Variants in AANAT observed in about 807,000 individuals in gnomAD.
AANAT encodes the protein serotonin N-acetyltransferase.
AANAT carries 11 observed loss-of-function variants against 15.6 expected under a neutral mutation model. The ratio of observed to expected loss-of-function variants is 0.71; its 90% CI spans 0.44 to 1.17. The LOEUF is 1.17. AANAT is among the 50% of genes most tolerant of loss of function. AANAT has a pLI of 0.00. For synonymous variants in AANAT, 139 were observed against 131.5 expected (o/e 1.06, Z -0.39); for missense variants, 286 against 296.3 (o/e 0.97, Z 0.26).
chr17:76,458,965 C>T lies in AANAT; in HGVS notation c.-575-282C>T, dbSNP rs565842763. 2.6e-5 allele frequency among the ~76,000 whole-genome samples: 4 copies of T among 152,358 alleles called. No individual in the cohort carries two copies. The South Asian group carries it at 8.3e-4, about 32-fold the overall frequency. ...CCTCCGAGGCTCCAGCTGAATGCCGCTCAAGGCTTTTGGAGTTAAAACGGC... is the reference window on the plus strand; with the variant it reads ...CCTCCGAGGCTCCAGCTGAATGCCGTTCAAGGCTTTTGGAGTTAAAACGGC... On this transcript the variant is annotated intron_variant, in intron 1 of 6. Transcript: ENST00000250615.
At chr17:76,465,158 G>A (rs2073425157), upstream of AANAT, among the ~76,000 whole-genome samples, 1 of 152,048 alleles carries the variant, frequency 6.6e-6, no homozygotes, top group Admixed American at 6.6e-5. Flanking sequence ...CGACTTGGGG[G>A]GCAAAGGACA....
At position 76,468,903 on chromosome 17, in the gene AANAT, C is replaced by T. The variant is rs375643704; in HGVS notation, c.157C>T (p.Arg53Cys). ...CGCTGTCAGCGCCTTTGAGATCGAG[C>T]GTGAAGGTGAGTGGCCCCGCACAGG... Reference protein sequence around the residue: ...EDAVSAFEIEREAFISVLGVC... With the variant: ...EDAVSAFEIECEAFISVLGVC... Residue 53 changes from arginine (R) to cysteine (C), a missense_variant, in exon 2 of 4, where the codon CGT becomes TGT. Transcript: ENST00000392492. 167 of 1,613,030 alleles carry T rather than the reference C, an allele frequency of 1.0e-4. No individual in the cohort carries two copies. Among genetic ancestry groups the T allele is most frequent in the East Asian group, 6.0e-4 (27 of 44,868 alleles).
chr17:76,464,532 C>T (rs1158621308), upstream of AANAT, among the ~76,000 whole-genome samples: 1 of 151,840 alleles, frequency 6.6e-6, no homozygotes, highest in African/African-American at 2.4e-5. Context: ...CTGAGGGGAG[C>T]CATCATGGGT....
upstream of AANAT, among the ~76,000 whole-genome samples, chr17:76,466,779 G>A (rs1310139917): frequency 6.6e-6 from 1 of 152,152 alleles, no homozygotes; most frequent in Non-Finnish European, 1.5e-5. Context: ...CCAGGGCCCG[G>A]CACATAGCAA....
rs754158557 is a variant in AANAT at position 76,469,905 on chromosome 17, A to G, written c.559A>G (p.Thr187Ala). The change falls in exon 4 of 4, where the codon ACC becomes GCC. Residue 187 changes from threonine to alanine, a missense_variant. Coordinates refer to ENST00000392492, the MANE Select transcript of AANAT (RefSeq NM_001088.3). This position sits in a 1 kb window ranked among gnomAD's most constrained non-coding sequence, Gnocchi z 5.2. ...GPCAITVGSL[T>A]FMELHCSLRG... is the part of the protein sequence containing the mutation. ...CTGCGCCATCACCGTGGGCTCCCTC[A>G]CCTTCATGGAGCTCCACTGCTCCCT... 38 of 1,570,100 alleles carry G rather than the reference A, an allele frequency of 2.4e-5. No individual in the cohort carries two copies. The highest frequency in any genetic ancestry group is 2.2e-4 in the Middle Eastern group (1 of 4,644).
intron 2 of AANAT, among the ~76,000 whole-genome samples, chr17:76,460,040 T>C (rs1030664727): frequency 6.7e-6 from 1 of 150,300 alleles, no homozygotes; most frequent in Admixed American, 6.6e-5. Context: ...TGGCCTTTCA[T>C]AAACTGATCT....
upstream of AANAT, chr17:76,466,195 G>A (rs766433496): frequency 3.3e-6 from 5 of 1,536,856 alleles, no homozygotes; most frequent in Admixed American, 3.9e-5. Flanking sequence ...TCTATGAAGG[G>A]ACAGAAGAGG....
chr17:76,462,972 A>G (rs2073403518), upstream of AANAT, among the ~76,000 whole-genome samples: 1 of 152,164 alleles, frequency 6.6e-6, no homozygotes, highest in South Asian at 2.1e-4. Flanking sequence ...GGCTCCCTTC[A>G]GTCTGGGTGT....
intron 1 of AANAT, among the ~76,000 whole-genome samples, chr17:76,468,452 C>T (rs1282074587): frequency 6.6e-6 from 1 of 152,198 alleles, no homozygotes; most frequent in Non-Finnish European, 1.5e-5. Flanking sequence ...TGGCAAACCT[C>T]CAGGGATCCT....
upstream of AANAT, chr17:76,466,282 C>G: frequency 6.8e-7 from 1 of 1,465,856 alleles, no homozygotes; most frequent in Non-Finnish European, 9.1e-7. Flanking sequence ...ACCAACCAAG[C>G]CCAAGGAGGT....
upstream of AANAT, among the ~76,000 whole-genome samples, chr17:76,466,751 A>G (rs2073442158): frequency 6.6e-6 from 1 of 152,064 alleles, no homozygotes; most frequent in Admixed American, 6.5e-5. Flanking sequence ...TTCCGTGTGG[A>G]TTAAAGGAGA....
At chr17:76,461,059 G>A (rs779042218) in intron 2 of AANAT, among the ~76,000 whole-genome samples, 1 of 152,042 alleles carries the variant, frequency 6.6e-6, no homozygotes, top group East Asian at 1.9e-4. Context: ...CAGCTACTCA[G>A]GAGGCTGAGG....
intron 1 of AANAT, among the ~76,000 whole-genome samples, chr17:76,456,946 T>C (rs952186107): frequency 6.6e-6 from 1 of 152,206 alleles, no homozygotes; most frequent in South Asian, 2.1e-4. Context: ...TTTGTAGTTA[T>C]GCTATTTCTT....
chr17:76,453,535 C>T (rs1187844725), exon 1 of AANAT: 4 of 172,858 alleles, frequency 2.3e-5, no homozygotes, highest in Non-Finnish European at 4.9e-5. Flanking sequence ...CCTAGCCTAG[C>T]CCCCAGGCAC....
upstream of AANAT, among the ~76,000 whole-genome samples, chr17:76,463,635 C>T (rs941835381): frequency 3.9e-5 from 6 of 152,126 alleles, no homozygotes; most frequent in Admixed American, 6.5e-5. Flanking sequence ...TAAAGGTCAT[C>T]GGAGCCTCCC....
upstream of AANAT, among the ~76,000 whole-genome samples, chr17:76,462,719 G>C (rs1033923660): frequency 6.6e-6 from 1 of 152,216 alleles, no homozygotes; most frequent in South Asian, 2.1e-4. Context: ...ACGATAACGC[G>C]AGATGTGCTC....
upstream of AANAT, chr17:76,466,266 CA>C: frequency 6.6e-7 from 1 of 1,510,318 alleles, no homozygotes; most frequent in Non-Finnish European, 8.8e-7. Context: ...TGGACATGAC[CA>C]CCCCACCAAC....
At chr17:76,457,420 T>C (rs2073351798) in intron 1 of AANAT, among the ~76,000 whole-genome samples, 1 of 152,234 alleles carries the variant, frequency 6.6e-6, no homozygotes, top group South Asian at 2.1e-4. Flanking sequence ...GTTGTTTTAA[T>C]GTAAAAACTA....
At position 76,468,064 on chromosome 17, in the gene AANAT, C is replaced by T. The variant is rs77121614; in HGVS notation, c.-76+337C>T. ...CCACAAATCCTGCATGTGTGTGGCC[C>T]AGTCTGAGGCCATCTGGATAGAAGT... is the stretch of plus-strand genomic sequence containing the variant. On this transcript the variant is annotated intron_variant, in intron 1 of 3. Coordinates refer to ENST00000392492, the MANE Select transcript of AANAT (RefSeq NM_001088.3). Among the ~76,000 whole-genome samples the T allele has an allele frequency of 1.0e-3, 155 of 152,180 alleles. No individual in the cohort carries two copies. The East Asian group carries it at 0.025, about 24-fold the overall frequency.
Sources: allele counts gnomAD v4.1 joint callset (sites outside exome capture counted in the v4.1 genomes callset), GRCh38; gene constraint gnomAD v4.1.1; non-coding constraint Gnocchi (gnomAD v3.1); transcripts MANE v1.5; gene names NCBI Gene and HGNC (gene_info 2026-07-23, HGNC 2026-07-21).